The following TACR3 variants were observed in gnomAD, a reference collection of about 807,000 sequenced individuals.
TACR3 encodes the protein neuromedin-K receptor.
Under a neutral mutation model 35.0 loss-of-function variants are expected in TACR3, and 34 were observed. The ratio of observed to expected loss-of-function variants is 0.97; its 90% CI spans 0.74 to 1.30. TACR3 has a LOEUF of 1.30. TACR3 is among the 50% of genes most tolerant of loss of function. The pLI is 0.00. For missense variants in TACR3, 558 were observed against 591.7 expected, an observed-to-expected ratio of 0.94 and a Z score of 0.59; for synonymous variants, 233 against 221.1, an observed-to-expected ratio of 1.05 and a Z score of -0.48.
intron 3 of TACR3, among the ~76,000 whole-genome samples, chr4:103,637,721 T>C (rs1725226535): frequency 6.6e-6 from 1 of 152,196 alleles, no homozygotes; most frequent in South Asian, 2.1e-4. Context: ...CTCCTTAAGC[T>C]GATAAGCAAC....
intron 1 of TACR3, among the ~76,000 whole-genome samples, chr4:103,712,314 A>G (rs180849329): frequency 6.6e-6 from 1 of 152,350 alleles, no homozygotes; most frequent in African/African-American, 2.4e-5. Flanking sequence ...CTCAGAAATA[A>G]TATCACACAT....
chr4:103,606,808 T>G (rs1334184408), intron 3 of TACR3, among the ~76,000 whole-genome samples: 1 of 152,188 alleles, frequency 6.6e-6, no homozygotes, highest in Non-Finnish European at 1.5e-5. Flanking sequence ...TTGAATACCC[T>G]TTATTTCCTT....
chr4:103,638,731 A>T (rs1216804035), intron 3 of TACR3, among the ~76,000 whole-genome samples: 1 of 152,164 alleles, frequency 6.6e-6, no homozygotes, highest in African/African-American at 2.4e-5. Flanking sequence ...AATGAACTCA[A>T]ACAAATTTAC....
chr4:103,658,973 G>A (rs923165524), intron 1 of TACR3, among the ~76,000 whole-genome samples: 1 of 152,178 alleles, frequency 6.6e-6, no homozygotes, highest in African/African-American at 2.4e-5. Flanking sequence ...ATGGGAGACA[G>A]CGACAGATCA....
intron 1 of TACR3, among the ~76,000 whole-genome samples, chr4:103,690,144 C>T (rs893565518): frequency 7.9e-5 from 12 of 152,056 alleles, no homozygotes; most frequent in African/African-American, 1.4e-4. Flanking sequence ...CGAGACAATG[C>T]GTTATGATTA....
Position 103,719,724 on chromosome 4 carries a change from C to T in TACR3, c.-49G>A. The T allele has an allele frequency of 1.3e-6, 2 of 1,597,806 alleles. No individual in the cohort carries two copies. Among genetic ancestry groups the T allele is most frequent in the East Asian group, 2.2e-5 (1 of 44,660 alleles). On this transcript the variant is annotated 5_prime_UTR_variant, in exon 1 of 5. Coordinates refer to ENST00000304883, the MANE Select transcript of TACR3 (RefSeq NM_001059.3). The stretch of plus-strand genomic sequence containing the variant: ...CCCTCCCACTCACCCACGGGCAGCC[C>T]AAGACGAGACTCCTCTGAAGTTCTT...
At chr4:103,620,303 T>G (rs1384753984) in intron 3 of TACR3, among the ~76,000 whole-genome samples, 1 of 152,194 alleles carries the variant, frequency 6.6e-6, no homozygotes, top group African/African-American at 2.4e-5. Context: ...TAAACACTAT[T>G]GGTAGGAACA....
At chr4:103,629,861 C>CAA (rs373706568) in intron 3 of TACR3, among the ~76,000 whole-genome samples, 3 of 98,504 alleles carry the variant, frequency 3.0e-5, no homozygotes, top group Non-Finnish European at 6.2e-5. Context: ...AAAAAAAAAA[C>CAA]AAAAAAAAAA....
At chr4:103,685,159 G>T (rs1459193928) in intron 1 of TACR3, among the ~76,000 whole-genome samples, 1 of 151,958 alleles carries the variant, frequency 6.6e-6, no homozygotes, top group African/African-American at 2.4e-5. Flanking sequence ...TATGGATTTG[G>T]TAAAGACATA....
At chr4:103,614,860 ATAACC>A (rs1394917923) in intron 3 of TACR3, among the ~76,000 whole-genome samples, 3 of 142,700 alleles carry the variant, frequency 2.1e-5, no homozygotes, top group African/African-American at 2.6e-5. Flanking sequence ...CATTAGCACT[ATAACC>A]TAAGTTGATT....
intron 1 of TACR3, among the ~76,000 whole-genome samples, chr4:103,665,709 G>A (rs1213304324): frequency 6.6e-6 from 1 of 152,088 alleles, no homozygotes; most frequent in Non-Finnish European, 1.5e-5. Context: ...GTTGCCTCCA[G>A]GATATTTGGT....
At chr4:103,697,417 T>TA (rs1015247087) in intron 1 of TACR3, among the ~76,000 whole-genome samples, 1 of 150,956 alleles carries the variant, frequency 6.6e-6, no homozygotes, top group Middle Eastern at 3.4e-3. Context: ...TTTATTTATT[T>TA]ATTTATTTAT....
At position 103,647,695 on chromosome 4, in the gene TACR3, G is replaced by T. The variant is rs549055473; in HGVS notation, c.888+8499C>A. ...TAGGGATTTTTAAGTTAAATACTTG[G>T]CTACATTTAAGAGGTTCAACACTCT... is the stretch of plus-strand genomic sequence containing the variant. On this transcript the variant is annotated intron_variant, in intron 3 of 4. Transcript: ENST00000304883. Among the ~76,000 whole-genome samples, 4 of 151,886 alleles carry T rather than the reference G, an allele frequency of 2.6e-5. No individual in the cohort carries two copies. In the South Asian group the frequency reaches 6.2e-4, roughly 24 times the overall value.
Position 103,719,478 on chromosome 4 carries a change from C to T in TACR3, c.198G>A (p.Ala66=). The T allele has an allele frequency of 6.2e-7, 1 of 1,613,322 alleles. No homozygotes were observed. Among genetic ancestry groups the T allele is most frequent in the Middle Eastern group, 1.7e-4 (1 of 6,060 alleles). ...SALGLPVASP[A]PSQPWANLTN... ...TGAGGTTGGCCCAGGGCTGGGAGGG[C>T]GCGGGGGAAGCCACAGGCAGTCCCA... Residue 66 remains alanine (A), a synonymous_variant, in exon 1 of 5, where the codon GCG becomes GCA. Coordinates refer to ENST00000304883, the MANE Select transcript of TACR3 (RefSeq NM_001059.3).
intron 1 of TACR3, among the ~76,000 whole-genome samples, chr4:103,675,692 T>C (rs1352498165): frequency 6.6e-6 from 1 of 151,920 alleles, no homozygotes; most frequent in East Asian, 1.9e-4. Flanking sequence ...GCTTAGCCAA[T>C]TTGCAGCACT....
chr4:103,630,276 G>A (rs1725028878), intron 3 of TACR3, among the ~76,000 whole-genome samples: 1 of 152,154 alleles, frequency 6.6e-6, no homozygotes, highest in South Asian at 2.1e-4. Context: ...ACATAGGCAT[G>A]GGCAAGGACT....
intron 3 of TACR3, among the ~76,000 whole-genome samples, chr4:103,629,864 A>AAAAAC (rs1725012211): frequency 2.6e-5 from 3 of 116,610 alleles, no homozygotes; most frequent in Non-Finnish European, 3.7e-5. Flanking sequence ...AAAAAAACAA[A>AAAAAC]AAAAAAACAA....
At chr4:103,595,635 G>C (rs916504626) in intron 3 of TACR3, among the ~76,000 whole-genome samples, 3 of 151,782 alleles carry the variant, frequency 2.0e-5, no homozygotes, top group South Asian at 4.2e-4. Flanking sequence ...TTGAGGTTTG[G>C]GTTGTAAAAG....
chr4:103,698,558 G>C (rs954344753), intron 1 of TACR3, among the ~76,000 whole-genome samples: 3 of 98,154 alleles, frequency 3.1e-5, no homozygotes, highest in African/African-American at 2.7e-4. Context: ...TTCTTTTTTT[G>C]GTAAAATAAA....
Sources: gnomAD v4.1 joint callset for allele counts (sites outside exome capture counted in the v4.1 genomes callset) on GRCh38, gnomAD v4.1.1 for gene constraint, MANE v1.5 for transcripts, NCBI Gene and HGNC (gene_info 2026-07-23, HGNC 2026-07-21) for gene names.